RUNDC1: variants seen among roughly 807,000 people sequenced by gnomAD.
RUNDC1 encodes the protein RUN domain-containing protein 1.
Under a neutral mutation model 49.3 loss-of-function variants are expected in RUNDC1, and 31 were observed. The observed-to-expected ratio is 0.63, with a 90% CI of 0.47 to 0.85. The LOEUF (loss-of-function observed/expected upper bound fraction) is 0.85, where lower values mean the gene tolerates loss of function less well. Among genes scored for constraint, RUNDC1 ranks in the 40% least tolerant of loss-of-function variants. The pLI is 0.00. For synonymous variants in RUNDC1, 347 were observed against 348.6 expected (o/e 1.00, Z 0.05); for missense variants, 715 against 806.7 (o/e 0.89, Z 1.38).
Position 42,987,303 on chromosome 17 carries a change from G to T in RUNDC1, c.546G>T (p.Gln182His). 1 of 1,614,106 alleles carries T rather than the reference G, an allele frequency of 6.2e-7. No individual in the cohort carries two copies. Among genetic ancestry groups the T allele is most frequent in the South Asian group, 1.1e-5 (1 of 91,078 alleles). The change falls in exon 2 of 5, where the codon CAG becomes CAT. Residue 182 changes from glutamine (Q) to histidine (H), a missense_variant. Coordinates refer to ENST00000361677, the MANE Select transcript of RUNDC1 (RefSeq NM_173079.5). ...GTCTGGAAACCCAAAGGGAGAAGCA[G>T]AAAGAACTGATACTGCAGCTCAAGA... The part of the protein sequence containing the change: ...QERLETQREK[Q>H]KELILQLKTQ...
chr17:42,991,010 C>A lies in RUNDC1; in HGVS notation c.1136C>A (p.Ser379Tyr), dbSNP rs2050231841. The A allele has an allele frequency of 3.1e-6, 5 of 1,614,182 alleles. No individual in the cohort carries two copies. Among genetic ancestry groups the A allele is most frequent in the Non-Finnish European group, 4.2e-6 (5 of 1,180,014 alleles). The change falls in exon 5 of 5, where the codon TCT (serine) becomes TAT (tyrosine). Residue 379 changes from serine to tyrosine, a missense_variant. Ser to Tyr is a moderately radical substitution (Grantham distance 144). Around this residue, in one of 5 missense-constraint regions of RUNDC1, gnomAD observed 425 missense variants for 499.7 expected, o/e 0.85. Coordinates refer to ENST00000361677, the MANE Select transcript of RUNDC1 (RefSeq NM_173079.5). ...AGGGTCCAGGCTGACAGAGACTACTCTCCCTTGCTGAAGAGGCTGGAGGTG... is the reference window on the plus strand; with the variant it reads ...AGGGTCCAGGCTGACAGAGACTACTATCCCTTGCTGAAGAGGCTGGAGGTG... ...WQRVQADRDY[S>Y]PLLKRLEVSV...
In RUNDC1 at chr17:42,994,951, T is replaced by TA. The variant is rs1304845125; in HGVS notation, c.*3238dup. 1.1e-5 allele frequency among the ~76,000 whole-genome samples: 1 copy of TA among 92,130 alleles called. No homozygotes were observed. The highest frequency in any genetic ancestry group is 2.9e-5 in the Non-Finnish European group (1 of 34,250). The allele number at this position is 92,130 out of a possible 152,430, so 60.4% of individuals were successfully genotyped here. A position where few individuals can be genotyped will look rare whatever the true frequency, so the allele number is the denominator to read the frequency against. On this transcript the variant is annotated 3_prime_UTR_variant, in exon 5 of 5. Coordinates refer to ENST00000361677, the MANE Select transcript of RUNDC1 (RefSeq NM_173079.5). ...ACAAGTATGATCTGCAAAGTATTGT[T>TA]AAAGCCGTCTAAGGTGCTCTCCAAT...
Position 42,993,763 on chromosome 17 carries a change from A to T in RUNDC1, c.*2047A>T, listed in dbSNP as rs2050275435. 2.6e-5 allele frequency: 4 copies of T among 152,120 alleles called. No individual in the cohort carries two copies. In the South Asian group the frequency reaches 8.3e-4, roughly 32 times the overall value. The allele number at this position is 152,120 out of a possible 1,614,324, so 9.4% of individuals were successfully genotyped here. A position where few individuals can be genotyped will look rare whatever the true frequency, so the allele number is the denominator to read the frequency against. On this transcript the variant is annotated 3_prime_UTR_variant, in exon 5 of 5. Coordinates refer to ENST00000361677, the MANE Select transcript of RUNDC1 (RefSeq NM_173079.5). ...GTAGTAGGGGTTTTTTGCCTGAAAA[A>T]ATTCACTAAAAAGTCCCCTTGGCAT...
chr17:42,986,186 C>T (rs1346214820), intron 1 of RUNDC1, among the ~76,000 whole-genome samples: 1 of 151,688 alleles, frequency 6.6e-6, no homozygotes, highest in Non-Finnish European at 1.5e-5. Context: ...GAGACAGGGT[C>T]TTGTGAAGCC....
intron 1 of RUNDC1, among the ~76,000 whole-genome samples, chr17:42,984,264 C>A (rs1044253419): frequency 6.6e-6 from 1 of 151,430 alleles, no homozygotes; most frequent in Non-Finnish European, 1.5e-5. Flanking sequence ...GCATGAGCCA[C>A]TGCACCTGGC....
intron 1 of RUNDC1, 149 bp from the exon 2 acceptor site, chr17:42,987,106 CT>C: frequency 1.8e-6 from 1 of 567,336 alleles, no homozygotes; most frequent in Non-Finnish European, 3.1e-6. Flanking sequence ...ATTATTCTTA[CT>C]TTTGAATCTA....
chr17:42,982,710 A>G (rs1337324377), intron 1 of RUNDC1, among the ~76,000 whole-genome samples: 1 of 151,892 alleles, frequency 6.6e-6, no homozygotes, highest in African/African-American at 2.4e-5. Flanking sequence ...GCAGTGGCTC[A>G]CGCCTGTAAT....
Position 42,993,479 on chromosome 17 carries a change from A to G in RUNDC1, c.*1763A>G, listed in dbSNP as rs1345356322. The G allele has an allele frequency of 6.6e-6, 1 of 152,246 alleles. No homozygotes were observed. The highest frequency in any genetic ancestry group is 1.5e-5 in the Non-Finnish European group (1 of 68,046). 9.4% of individuals were successfully genotyped at this position (152,246 alleles called of 1,614,324 possible). A position where few individuals can be genotyped will look rare whatever the true frequency, so the allele number is the denominator to read the frequency against. ...CAGCAACATGTTACTTATTTAAGAT[A>G]CATTACTGATATTTCATTATAATTA... On this transcript the variant is annotated 3_prime_UTR_variant, in exon 5 of 5. Transcript: ENST00000361677.
At chr17:42,989,256 G>T in intron 2 of RUNDC1, 85 bp from the exon 3 acceptor site, 2 of 996,028 alleles carry the variant, frequency 2.0e-6, no homozygotes, top group Admixed American at 2.0e-5. Flanking sequence ...TTCCATTTAA[G>T]GACAGAAGAC....
rs192060459 is a variant in RUNDC1 at position 42,985,387 on chromosome 17, G to A, written c.499-1869G>A. Among the ~76,000 whole-genome samples, 191 of 152,212 alleles carry A rather than the reference G, an allele frequency of 1.3e-3. 1 individual carries two copies. Among genetic ancestry groups the A allele is most frequent in the African/African-American group, 4.2e-3 (173 of 41,526 alleles). On this transcript the variant is annotated intron_variant, in intron 1 of 4. Transcript: ENST00000361677. ...AGTGTGAACAACCTCTAGAGGAAATGTTTAGTTATGCCTGGGGAAATCAGG... is the reference window on the plus strand; with the variant it reads ...AGTGTGAACAACCTCTAGAGGAAATATTTAGTTATGCCTGGGGAAATCAGG...
At chr17:42,990,077 G>C (rs144029379) in intron 3 of RUNDC1, among the ~76,000 whole-genome samples, 1 of 152,146 alleles carries the variant, frequency 6.6e-6, no homozygotes, top group African/African-American at 2.4e-5. Flanking sequence ...TTATGTCCTT[G>C]AGCATGTTAC....
rs747658188 is a variant in RUNDC1, at chr17:42,991,423, C to G, written c.1549C>G (p.Leu517Val). ...TGTTGTCACCCCCAAACAGAGCCTA[C>G]TGACAGCCATCCACATGGTGCTGAC... ...GTVVTPKQSL[L>V]TAIHMVLTEH... Residue 517 changes from leucine (L) to valine (V), a missense_variant, in exon 5 of 5, where the codon CTG (leucine) becomes GTG (valine). This residue lies in a region of RUNDC1 where 425 missense variants were observed against 499.7 expected (regional missense o/e 0.85). Coordinates refer to ENST00000361677, the MANE Select transcript of RUNDC1 (RefSeq NM_173079.5). The G allele has an allele frequency of 1.2e-6, 2 of 1,614,262 alleles. No homozygotes were observed. The highest frequency in any genetic ancestry group is 2.2e-5 in the East Asian group (1 of 44,892).
chr17:42,987,904 C>G (rs887966512), intron 2 of RUNDC1, among the ~76,000 whole-genome samples: 2 of 152,070 alleles, frequency 1.3e-5, no homozygotes, highest in Admixed American at 6.6e-5. Flanking sequence ...AGGCAGGCGC[C>G]ACCATGCTGG....
chr17:42,990,287 A>G (rs1339100771), intron 3 of RUNDC1, 30 bp from the exon 4 acceptor site: 1 of 1,611,096 alleles, frequency 6.2e-7, no homozygotes, highest in Non-Finnish European at 8.5e-7. Flanking sequence ...AGGGCTAAAT[A>G]AGTGTCTCTT....
chr17:42,980,605 C>T lies in RUNDC1; in HGVS notation c.29C>T (p.Pro10Leu), dbSNP rs201536677. 1.4e-4 allele frequency: 220 copies of T among 1,609,590 alleles called. No homozygotes were observed. The African/African-American group carries it at 2.0e-3, about 14-fold the overall frequency. ...GCGGCTGTCGAAGCGGCTGCAGAGC[C>T]GGTAACGGTGGTGGCGGCTGTTGGG... is the stretch of plus-strand genomic sequence containing the variant. MAAVEAAAEPVTVVAAVGPK... is the reference protein window; with the variant it reads MAAVEAAAELVTVVAAVGPK... Residue 10 changes from proline (P) to leucine (L), a missense_variant, in exon 1 of 5, where the codon CCG (proline) becomes CTG (leucine). Physicochemically the swap from Pro to Leu is moderately conservative, Grantham distance 98 (BLOSUM62 -3). Transcript: ENST00000361677.
chr17:42,983,141 C>T (rs555414512), intron 1 of RUNDC1, among the ~76,000 whole-genome samples: 6 of 149,988 alleles, frequency 4.0e-5, no homozygotes, highest in African/African-American at 9.8e-5. Flanking sequence ...ATGATCATAC[C>T]GCTGCACTCC....
At position 42,994,189 on chromosome 17, in the gene RUNDC1, A is replaced by T. The variant is rs1038930663; in HGVS notation, c.*2473A>T. On this transcript the variant is annotated 3_prime_UTR_variant, in exon 5 of 5. Coordinates refer to ENST00000361677, the MANE Select transcript of RUNDC1 (RefSeq NM_173079.5). Reference sequence around the variant, plus strand: ...GGCACTTTTAAATCCACTTGTCTGGATATCACTTTGGGTGGTAACTGGTAT... The same window carrying T: ...GGCACTTTTAAATCCACTTGTCTGGTTATCACTTTGGGTGGTAACTGGTAT... Among the ~76,000 whole-genome samples the T allele has an allele frequency of 6.6e-6, 1 of 152,244 alleles. No homozygotes were observed. Among genetic ancestry groups the T allele is most frequent in the Non-Finnish European group, 1.5e-5 (1 of 68,042 alleles).
At chr17:42,990,498 A>G in intron 4 of RUNDC1, 62 bp downstream of exon 4, 2 of 1,553,166 alleles carry the variant, frequency 1.3e-6, no homozygotes, top group South Asian at 2.3e-5. Flanking sequence ...GTGGTTGCCT[A>G]GGGCTTGGGT....
At chr17:42,989,002 G>A (rs2050204881) in intron 2 of RUNDC1, among the ~76,000 whole-genome samples, 1 of 152,070 alleles carries the variant, frequency 6.6e-6, no homozygotes, top group African/African-American at 2.4e-5. Flanking sequence ...TATTCTCCTT[G>A]AAGCCTTTAG....
Sources: allele counts gnomAD v4.1 joint callset (sites outside exome capture counted in the v4.1 genomes callset), GRCh38; gene constraint gnomAD v4.1.1; regional missense constraint gnomAD v4.1.1; transcripts MANE v1.5; gene names NCBI Gene and HGNC (gene_info 2026-07-23, HGNC 2026-07-21).